The following TSPAN3 variants were observed in gnomAD, a reference collection of about 807,000 sequenced individuals.
TSPAN3 encodes tetraspanin-3.
A neutral mutation model predicts 31.1 loss-of-function variants in TSPAN3; 9 were observed. The ratio of observed to expected loss-of-function variants is 0.29; its 90% confidence interval spans 0.17 to 0.50. TSPAN3 has a LOEUF of 0.50. Ranked by LOEUF, TSPAN3 falls within the 20% of genes least tolerant of loss-of-function variation. TSPAN3 has a pLI of 0.98. For missense variants in TSPAN3, 252 were observed against 313.5 expected (o/e 0.80, Z 1.48); for synonymous variants, 129 against 114.3 (o/e 1.13, Z -0.82).
intron 1 of TSPAN3, among the ~76,000 whole-genome samples, chr15:77,060,233 G>GA (rs1387244270): frequency 6.6e-6 from 1 of 152,214 alleles, no homozygotes; most frequent in Non-Finnish European, 1.5e-5. Flanking sequence ...TTGCTGATAT[G>GA]AAACTATACA....
intron 1 of TSPAN3, among the ~76,000 whole-genome samples, chr15:77,068,499 T>A (rs1458070485): frequency 6.6e-6 from 1 of 152,224 alleles, no homozygotes; most frequent in Non-Finnish European, 1.5e-5. Flanking sequence ...ACATGAACAA[T>A]TCCAGTCCCT....
chr15:77,047,001 TAA>T lies in TSPAN3; in HGVS notation c.670-76_670-75del, dbSNP rs1225557822. On this transcript the variant is annotated intron_variant, in intron 6 of 6. Coordinates refer to ENST00000267970, the MANE Select transcript of TSPAN3 (RefSeq NM_005724.6). ...TGGCAGGTGTGTATTTCTTTGTTGG[TAA>T]AAGAGCTGTTTCAAAGTTCAATGAC... 3 of 1,227,586 alleles carry T rather than the reference TAA, an allele frequency of 2.4e-6. No homozygotes were observed. In the African/African-American group the frequency reaches 4.6e-5, roughly 19 times the overall value. 76.0% of individuals were successfully genotyped at this position (1,227,586 alleles called of 1,614,324 possible). A position where few individuals can be genotyped will look rare whatever the true frequency, so the allele number is the denominator to read the frequency against.
intron 1 of TSPAN3, among the ~76,000 whole-genome samples, chr15:77,061,147 A>G (rs984962834): frequency 2.0e-5 from 3 of 152,342 alleles, no homozygotes; most frequent in Admixed American, 6.5e-5. Context: ...TTTCATTCTT[A>G]TATGAGATTG....
chr15:77,069,199 G>A (rs1243926297), intron 1 of TSPAN3, among the ~76,000 whole-genome samples: 2 of 152,096 alleles, frequency 1.3e-5, no homozygotes, highest in Non-Finnish European at 2.9e-5. Context: ...GGTTTATAAC[G>A]AGATGCTATG....
At chr15:77,049,083 A>G (rs919629891) in intron 6 of TSPAN3, among the ~76,000 whole-genome samples, 3 of 152,208 alleles carry the variant, frequency 2.0e-5, no homozygotes, top group Non-Finnish European at 4.4e-5. Flanking sequence ...CAGACATGAA[A>G]TTAAAAAGGC....
At chr15:77,047,139 C>T (rs770859116) in intron 6 of TSPAN3, among the ~76,000 whole-genome samples, 5 of 152,158 alleles carry the variant, frequency 3.3e-5, no homozygotes, top group Admixed American at 1.3e-4. Context: ...AGGAACTCTT[C>T]GTAAAGCCAG....
intron 4 of TSPAN3, among the ~76,000 whole-genome samples, chr15:77,053,521 C>G (rs1036456819): frequency 8.0e-6 from 1 of 125,446 alleles, no homozygotes; most frequent in African/African-American, 3.1e-5. Context: ...TGCCTATAAG[C>G]GGTAGTTTCT....
intron 5 of TSPAN3, 147 bp from the exon 6 acceptor site, chr15:77,052,615 A>G: frequency 9.2e-7 from 1 of 1,091,626 alleles, no homozygotes; most frequent in Admixed American, 2.5e-5. Flanking sequence ...ATTTACAGAC[A>G]TGTAATTAAA....
intron 6 of TSPAN3, among the ~76,000 whole-genome samples, 188 bp from the exon 7 acceptor site, chr15:77,047,115 T>C (rs1427363606): frequency 6.6e-6 from 1 of 152,208 alleles, no homozygotes; most frequent in African/African-American, 2.4e-5. Flanking sequence ...GTCCTAAGCT[T>C]CAGCTTCCCT....
At chr15:77,070,079 T>C (rs932629319) in intron 1 of TSPAN3, 4 of 151,564 alleles carry the variant, frequency 2.6e-5, no homozygotes, top group Non-Finnish European at 5.9e-5. Context: ...GAGAGACGGA[T>C]AGGAACAACT....
intron 3 of TSPAN3, 186 bp downstream of exon 3, chr15:77,055,603 A>G (rs2076763828): frequency 3.6e-6 from 2 of 550,008 alleles, no homozygotes; most frequent in East Asian, 6.1e-5. Flanking sequence ...ACACTCTGCT[A>G]TATTAAATGA....
intron 1 of TSPAN3, among the ~76,000 whole-genome samples, chr15:77,070,422 G>A (rs2076860379): frequency 6.6e-6 from 1 of 152,180 alleles, no homozygotes; most frequent in African/African-American, 2.4e-5. Flanking sequence ...CCCCGCCCCG[G>A]CTCCGCAGCG....
chr15:77,051,029 T>C (rs561546089), intron 6 of TSPAN3, among the ~76,000 whole-genome samples: 4 of 152,308 alleles, frequency 2.6e-5, no homozygotes, highest in Non-Finnish European at 5.9e-5. Flanking sequence ...ACATTGGTTT[T>C]ATTTAACAAA....
At position 77,046,720 on chromosome 15, in the gene TSPAN3, A is replaced by G. The variant is rs958853893; in HGVS notation, c.*115T>C. 7 of 739,330 alleles carry G rather than the reference A, an allele frequency of 9.5e-6. No individual in the cohort carries two copies. In the African/African-American group the frequency reaches 1.1e-4, roughly 11 times the overall value. 45.8% of individuals were successfully genotyped at this position (739,330 alleles called of 1,614,324 possible). On this transcript the variant is annotated 3_prime_UTR_variant, in exon 7 of 7. Transcript: ENST00000267970. ...ATGAAAAGCCAAGCTGCTCTGTCCAACACCAGTGTACATGTGCTTTAACTA... is the reference window on the plus strand; with the variant it reads ...ATGAAAAGCCAAGCTGCTCTGTCCAGCACCAGTGTACATGTGCTTTAACTA...
intron 3 of TSPAN3, chr15:77,055,458 T>G (rs2076762889): frequency 5.1e-6 from 1 of 196,224 alleles, no homozygotes; most frequent in Admixed American, 5.5e-5. Flanking sequence ...AGTTTGGTTC[T>G]TCTAAAGCAG....
intron 3 of TSPAN3, chr15:77,054,994 G>A (rs2076758982): frequency 6.6e-6 from 1 of 152,064 alleles, no homozygotes; most frequent in African/African-American, 2.4e-5. Flanking sequence ...CCATAAAATT[G>A]ATAACCAGAT....
intron 6 of TSPAN3, among the ~76,000 whole-genome samples, chr15:77,049,314 T>C (rs892297806): frequency 6.6e-6 from 1 of 152,148 alleles, no homozygotes; most frequent in Non-Finnish European, 1.5e-5. Flanking sequence ...AAAAGCAACA[T>C]GGCCTTGGGA....
At position 77,069,230 on chromosome 15, in the gene TSPAN3, T is replaced by C. The variant is rs185601434; in HGVS notation, c.63+1662A>G. On this transcript the variant is annotated intron_variant, in intron 1 of 6. Coordinates refer to ENST00000267970, the MANE Select transcript of TSPAN3 (RefSeq NM_005724.6). ...CTATGAGAATTAATGACTTAATCAT[T>C]GTAGAATACATTTCTCTTTATGGAA... Among the ~76,000 whole-genome samples the C allele has an allele frequency of 4.7e-3, 712 of 152,300 alleles. 3 individuals are homozygous for C. Among genetic ancestry groups the C allele is most frequent in the Non-Finnish European group, 8.0e-3 (543 of 68,034 alleles).
At chr15:77,055,175 A>G (rs1326655396) in intron 3 of TSPAN3, 4 of 152,210 alleles carry the variant, frequency 2.6e-5, no homozygotes, top group Non-Finnish European at 1.5e-5. Flanking sequence ...AATTATACCC[A>G]TATTAATTAA....
Sources: gnomAD v4.1 joint callset for allele counts (sites outside exome capture counted in the v4.1 genomes callset) on GRCh38, gnomAD v4.1.1 for gene constraint, MANE v1.5 for transcripts, NCBI Gene and HGNC (gene_info 2026-07-23, HGNC 2026-07-21) for gene names.